The following ZBTB20 variants were observed in gnomAD, a reference collection of about 807,000 sequenced individuals.
The protein encoded by ZBTB20 is zinc finger and BTB domain-containing protein 20.
A neutral mutation model predicts 56.9 loss-of-function variants in ZBTB20; 9 were observed. That is an observed-to-expected ratio of 0.16 (90% CI 0.10 to 0.28). The LOEUF is 0.28. Among genes scored for constraint, ZBTB20 ranks in the 10% least tolerant of loss-of-function variants. The pLI is 1.00. For synonymous variants in ZBTB20, 417 were observed against 420.7 expected (o/e 0.99, Z 0.11); for missense variants, 655 against 1,003.0 (o/e 0.65, Z 4.69).
At position 114,717,853 on chromosome 3, in the gene ZBTB20, A is replaced by T. The variant is rs1236433699; in HGVS notation, c.-342-24278T>A. On this transcript the variant is annotated intron_variant, in intron 5 of 11. Transcript: ENST00000675478. Reference sequence around the variant, plus strand: ...CTTCTTGCAACAATTTAACACGGATAACCGCTTCTTTTCCTCCTCGAAACT... The same window carrying T: ...CTTCTTGCAACAATTTAACACGGATTACCGCTTCTTTTCCTCCTCGAAACT... Among the ~76,000 whole-genome samples, 287 of 152,184 alleles carry T rather than the reference A, an allele frequency of 1.9e-3. 2 individuals are homozygous for T. The highest frequency in any genetic ancestry group is 6.2e-3 in the African/African-American group (256 of 41,520).
At chr3:114,546,435 CA>C (rs1470798093) in intron 6 of ZBTB20, among the ~76,000 whole-genome samples, 3 of 152,142 alleles carry the variant, frequency 2.0e-5, no homozygotes, top group African/African-American at 7.2e-5. Context: ...ACCTTCCAAT[CA>C]AACACCCAGG....
At chr3:115,112,419 C>T (rs1027924006) in intron 1 of ZBTB20, among the ~76,000 whole-genome samples, 2 of 151,998 alleles carry the variant, frequency 1.3e-5, no homozygotes, top group African/African-American at 4.8e-5. Flanking sequence ...TTTTGTCTGA[C>T]GTTTGTACCC....
chr3:115,003,857 A>C (rs2079357652), intron 2 of ZBTB20, among the ~76,000 whole-genome samples: 1 of 151,698 alleles, frequency 6.6e-6, no homozygotes, highest in Non-Finnish European at 1.5e-5. Context: ...TCAGCAGTAG[A>C]AACAAACGTT....
chr3:115,087,841 T>C (rs2083044562), intron 1 of ZBTB20, among the ~76,000 whole-genome samples: 1 of 151,962 alleles, frequency 6.6e-6, no homozygotes, highest in South Asian at 2.1e-4. Context: ...TTCCCTCCTT[T>C]TTCCTGCCTC....
intron 7 of ZBTB20, among the ~76,000 whole-genome samples, chr3:114,394,851 C>G (rs1374186607): frequency 3.9e-5 from 6 of 152,294 alleles, no homozygotes; most frequent in African/African-American, 1.4e-4. Flanking sequence ...TCAAGGAGTT[C>G]TTAGCATAGA....
intron 2 of ZBTB20, among the ~76,000 whole-genome samples, chr3:115,001,131 G>A (rs1258864639): frequency 6.7e-6 from 1 of 148,670 alleles, no homozygotes. Flanking sequence ...AAAAAAAGGA[G>A]CCTATATTTC....
At chr3:114,892,004 G>T (rs1332630854) in intron 4 of ZBTB20, among the ~76,000 whole-genome samples, 1 of 151,606 alleles carries the variant, frequency 6.6e-6, no homozygotes, top group East Asian at 1.9e-4. Context: ...CCGTGATCGC[G>T]CCTCTGCACT....
At chr3:114,959,694 C>T (rs890805820) in intron 3 of ZBTB20, among the ~76,000 whole-genome samples, 2 of 145,758 alleles carry the variant, frequency 1.4e-5, no homozygotes, top group African/African-American at 2.6e-5. Flanking sequence ...ACACACCACA[C>T]ACACACACAT....
intron 6 of ZBTB20, among the ~76,000 whole-genome samples, chr3:114,549,966 C>T (rs1412762002): frequency 6.6e-6 from 1 of 151,912 alleles, no homozygotes; most frequent in Non-Finnish European, 1.5e-5. Context: ...GAGATGGAGC[C>T]TTGCTCTGTG....
At chr3:114,366,279 C>T (rs1224038500) in intron 10 of ZBTB20, among the ~76,000 whole-genome samples, 1 of 152,004 alleles carries the variant, frequency 6.6e-6, no homozygotes, top group Admixed American at 6.6e-5. Flanking sequence ...GGTCCAGACT[C>T]CTTTAACTAA....
chr3:114,356,979 C>A (rs1317732461), intron 10 of ZBTB20, among the ~76,000 whole-genome samples: 2 of 152,168 alleles, frequency 1.3e-5, no homozygotes, highest in Non-Finnish European at 2.9e-5. Context: ...AGCAAGCAGA[C>A]AAGATCTCTT....
intron 6 of ZBTB20, among the ~76,000 whole-genome samples, chr3:114,627,699 G>C (rs1165248662): frequency 2.6e-5 from 4 of 152,188 alleles, no homozygotes; most frequent in African/African-American, 9.7e-5. Context: ...TAATTCCATT[G>C]TATTTTGTAG....
intron 5 of ZBTB20, among the ~76,000 whole-genome samples, chr3:114,701,180 A>G (rs557883668): frequency 6.6e-6 from 1 of 152,180 alleles, no homozygotes; most frequent in East Asian, 1.9e-4. Context: ...CACTGTATTG[A>G]TGTGAATAGG....
chr3:114,826,352 C>CA (rs1560292773), intron 4 of ZBTB20, among the ~76,000 whole-genome samples: 4 of 151,620 alleles, frequency 2.6e-5, no homozygotes. Flanking sequence ...AATCTCCCCC[C>CA]ACAAAATTTA....
chr3:114,684,268 G>A (rs769136566), intron 6 of ZBTB20, among the ~76,000 whole-genome samples: 3 of 152,246 alleles, frequency 2.0e-5, no homozygotes, highest in Non-Finnish European at 2.9e-5. Flanking sequence ...ATAGTTGAAC[G>A]ACTTTAGGGA....
chr3:114,528,017 A>T (rs116180437), intron 6 of ZBTB20, among the ~76,000 whole-genome samples: 2,449 of 149,060 alleles, frequency 0.016, 58 homozygotes, highest in East Asian at 0.052. Context: ...TGGTTACTAG[A>T]TTATCCTGAT....
At chr3:114,904,918 TG>T (rs2075266806) in intron 3 of ZBTB20, among the ~76,000 whole-genome samples, 1 of 151,980 alleles carries the variant, frequency 6.6e-6, no homozygotes, top group African/African-American at 2.4e-5. Flanking sequence ...TCAGATAAGC[TG>T]TAATAAAGCT....
At chr3:115,108,093 C>G (rs142692604) in intron 1 of ZBTB20, among the ~76,000 whole-genome samples, 1 of 151,250 alleles carries the variant, frequency 6.6e-6, no homozygotes, top group African/African-American at 2.4e-5. Context: ...TGATGGCACA[C>G]GTATACCTAT....
chr3:114,571,632 G>A (rs2053450254), intron 6 of ZBTB20, among the ~76,000 whole-genome samples: 2 of 152,118 alleles, frequency 1.3e-5, no homozygotes, highest in African/African-American at 4.8e-5. Context: ...ATAATGCCAT[G>A]GGGTTAGAGT....
Sources: gnomAD v4.1 joint callset for allele counts (sites outside exome capture counted in the v4.1 genomes callset) on GRCh38, gnomAD v4.1.1 for gene constraint, MANE v1.5 for transcripts, NCBI Gene and HGNC (gene_info 2026-07-23, HGNC 2026-07-21) for gene names.